PITPNM3: variants seen among roughly 807,000 people sequenced by gnomAD.
PITPNM3 encodes membrane-associated phosphatidylinositol transfer protein 3.
In PITPNM3, 26 loss-of-function variants were observed where a neutral mutation model predicts 102.0. That is an observed-to-expected ratio of 0.25 (90% CI 0.19 to 0.35). The LOEUF is 0.35. PITPNM3 is among the 10% of genes least tolerant of loss of function. PITPNM3 has a pLI of 1.00. For synonymous variants in PITPNM3, 578 were observed against 558.6 expected (o/e 1.03, Z -0.49); for missense variants, 1,083 against 1,346.1 (o/e 0.80, Z 3.06).
intron 4 of PITPNM3, among the ~76,000 whole-genome samples, chr17:6,503,303 C>T (rs1214111690): frequency 2.0e-5 from 3 of 152,288 alleles, no homozygotes; most frequent in African/African-American, 7.2e-5. Flanking sequence ...GCCTGAGCTG[C>T]CCAGTGATAG....
In PITPNM3 at chr17:6,455,373, C is replaced by T. The variant is rs1392170604; in HGVS notation, c.2890G>A (p.Ala964Thr). The stretch of plus-strand genomic sequence containing the variant: ...GACTCGAACTTGGGGGGCCCACGCG[C>T]CCAGCTGAGCGCCGGCAGCGGCCGC... ...HERPLPALSWARGPPKFESVP is the reference protein window; with the variant it reads ...HERPLPALSWTRGPPKFESVP The change falls in exon 20 of 20, where the codon GCG (alanine) becomes ACG (threonine). Residue 964 changes from alanine to threonine, a missense_variant. Physicochemically the swap from Ala to Thr is moderately conservative, Grantham distance 58. Transcript: ENST00000262483. The T allele has an allele frequency of 6.3e-7, 1 of 1,588,206 alleles. No homozygotes were observed. Among genetic ancestry groups the T allele is most frequent in the Non-Finnish European group, 8.6e-7 (1 of 1,168,834 alleles).
At chr17:6,508,755 G>A (rs949747591) in intron 3 of PITPNM3, among the ~76,000 whole-genome samples, 22 of 152,254 alleles carry the variant, frequency 1.4e-4, no homozygotes, top group African/African-American at 4.6e-4. Flanking sequence ...GGCCACCGAC[G>A]GGGTCAGGAA....
At chr17:6,545,599 T>C (rs1909978457) in intron 1 of PITPNM3, among the ~76,000 whole-genome samples, 1 of 152,202 alleles carries the variant, frequency 6.6e-6, no homozygotes, top group South Asian at 2.1e-4. Flanking sequence ...CAGTAGAGCC[T>C]TCACACCACG....
intron 2 of PITPNM3, among the ~76,000 whole-genome samples, chr17:6,531,336 T>G (rs1002162363): frequency 6.6e-6 from 1 of 152,194 alleles, no homozygotes; most frequent in African/African-American, 2.4e-5. Flanking sequence ...CTTGCATCCT[T>G]TCAGGGATGA....
rs1904341227 is a variant in PITPNM3 at position 6,459,337 on chromosome 17, T to C, written c.2491-1615A>G. 6.6e-6 allele frequency among the ~76,000 whole-genome samples: 1 copy of C among 152,098 alleles called. No homozygotes were observed. Among genetic ancestry groups the C allele is most frequent in the South Asian group, 2.1e-4 (1 of 4,822 alleles). ...TCTCCTTGAAGCCCTCTCCTCCCGA[T>C]ACCTGGAGTCTCGTCTCTCTCTCCT... On this transcript the variant is annotated intron_variant, in intron 18 of 19. Transcript: ENST00000262483. The surrounding 1 kb of genome is among the most constrained non-coding windows in gnomAD (Gnocchi z 5.0).
chr17:6,455,065 GACACAAA>G lies in PITPNM3; in HGVS notation c.*266_*272del. On this transcript the variant is annotated 3_prime_UTR_variant, in exon 20 of 20. Coordinates refer to ENST00000262483, the MANE Select transcript of PITPNM3 (RefSeq NM_031220.4). ...CCCCGGGCAAGCCTGCCCCCAGGAT[GACACAAA>G]CATGAACCCTGACTTGGGCTTGCGG... The G allele has an allele frequency of 2.0e-6, 1 of 493,038 alleles. No homozygotes were observed. The highest frequency in any genetic ancestry group is 3.5e-6 in the Non-Finnish European group (1 of 283,602). The allele number at this position is 493,038 out of a possible 1,614,324, so 30.5% of individuals were successfully genotyped here.
chr17:6,473,139 G>A (rs753862288), intron 10 of PITPNM3: 31 of 421,730 alleles, frequency 7.4e-5, no homozygotes, highest in Non-Finnish European at 1.1e-4. Context: ...CCATTTCCAC[G>A]GGGCAACTCC....
chr17:6,455,487 T>G lies in PITPNM3; in HGVS notation c.2776A>C (p.Thr926Pro). The G allele has an allele frequency of 6.2e-7, 1 of 1,605,972 alleles. No homozygotes were observed. Among genetic ancestry groups the G allele is most frequent in the Non-Finnish European group, 8.5e-7 (1 of 1,179,596 alleles). Reference sequence around the variant, plus strand: ...GGGTCGGGCTGCTGCACTGACATGGTTCTGCGCAGGTGGTTGCGCTTCCGC... The same window carrying G: ...GGGTCGGGCTGCTGCACTGACATGGGTCTGCGCAGGTGGTTGCGCTTCCGC... ...FLRKRNHLRR[T>P]MSVQQPDPPA... Residue 926 changes from threonine (T) to proline (P), a missense_variant, in exon 20 of 20, where the codon ACC becomes CCC. Physicochemically the swap from Thr to Pro is conservative, Grantham distance 38 (BLOSUM62 -1). Coordinates refer to ENST00000262483, the MANE Select transcript of PITPNM3 (RefSeq NM_031220.4).
chr17:6,551,873 T>G (rs937364324), intron 1 of PITPNM3, among the ~76,000 whole-genome samples: 1 of 151,916 alleles, frequency 6.6e-6, no homozygotes, highest in Non-Finnish European at 1.5e-5. Flanking sequence ...TGGGAGGATG[T>G]GAGAGCACAC....
At position 6,478,270 on chromosome 17, in the gene PITPNM3, T is replaced by C. The variant is rs879898867; in HGVS notation, c.778-173A>G. The stretch of plus-strand genomic sequence containing the variant: ...AAACTGGGGAGGGTCAGGGTTGGCG[T>C]TGGCCCAGGCCAGCCCAAGGACGGG... On this transcript the variant is annotated intron_variant, in intron 7 of 19. Transcript: ENST00000262483. This position sits in a 1 kb window ranked among gnomAD's most constrained non-coding sequence, Gnocchi z 4.4. 9.9e-5 allele frequency among the ~76,000 whole-genome samples: 15 copies of C among 152,224 alleles called. No individual in the cohort carries two copies. The highest frequency in any genetic ancestry group is 1.9e-4 in the Non-Finnish European group (13 of 68,044).
intron 1 of PITPNM3, among the ~76,000 whole-genome samples, chr17:6,548,691 G>A (rs1022557455): frequency 2.6e-5 from 4 of 152,060 alleles, no homozygotes; most frequent in South Asian, 2.1e-4. Context: ...TGTCAGCCCC[G>A]AGAGCTCACA....
At position 6,471,035 on chromosome 17, in the gene PITPNM3, G is replaced by C. The variant is rs1446669291; in HGVS notation, c.1624+126C>G. The stretch of plus-strand genomic sequence containing the variant: ...TCTAAAGGCAGAAGCAAGCCCCCAG[G>C]ACTTCCTTCACCTTCTCCCTATCCC... On this transcript the variant is annotated intron_variant, in intron 12 of 19. Coordinates refer to ENST00000262483, the MANE Select transcript of PITPNM3 (RefSeq NM_031220.4). 2.6e-6 allele frequency: 3 copies of C among 1,132,684 alleles called. No homozygotes were observed. The East Asian group carries it at 7.7e-5, about 29-fold the overall frequency. The allele number at this position is 1,132,684 out of a possible 1,614,324, so 70.2% of individuals were successfully genotyped here.
At chr17:6,484,147 G>T in intron 5 of PITPNM3, 69 bp downstream of exon 5, 1 of 1,484,894 alleles carries the variant, frequency 6.7e-7, no homozygotes, top group Non-Finnish European at 9.4e-7. Flanking sequence ...GGCCGCCTAT[G>T]ATCCGAGGGC....
intron 3 of PITPNM3, among the ~76,000 whole-genome samples, chr17:6,516,111 C>G (rs1272007640): frequency 6.6e-6 from 1 of 151,950 alleles, no homozygotes; most frequent in Non-Finnish European, 1.5e-5. Context: ...AAAAACAAAA[C>G]AAAATACAGA....
At chr17:6,503,889 C>T (rs1385606700) in intron 3 of PITPNM3, among the ~76,000 whole-genome samples, 1 of 152,146 alleles carries the variant, frequency 6.6e-6, no homozygotes, top group Non-Finnish European at 1.5e-5. Flanking sequence ...CAGGAGCTGC[C>T]TGCCTCTCTA....
rs148610532 is a variant in PITPNM3 at position 6,499,344 on chromosome 17, G to A, written c.274+4183C>T. On this transcript the variant is annotated intron_variant, in intron 4 of 19. Coordinates refer to ENST00000262483, the MANE Select transcript of PITPNM3 (RefSeq NM_031220.4). ...CAAGCCCTTGCAACCTCATACCTGCGCATGCCTGAGAGGCCCATGGAGACC... is the reference window on the plus strand; with the variant it reads ...CAAGCCCTTGCAACCTCATACCTGCACATGCCTGAGAGGCCCATGGAGACC... Among the ~76,000 whole-genome samples, 11 of 152,258 alleles carry A rather than the reference G, an allele frequency of 7.2e-5. No individual in the cohort carries two copies. In the East Asian group the frequency reaches 1.5e-3, roughly 21 times the overall value.
In PITPNM3 at chr17:6,483,399, AC is replaced by A. The variant is rs1233175064; in HGVS notation, c.587+117del. The A allele has an allele frequency of 7.2e-6, 7 of 971,040 alleles. No homozygotes were observed. In the East Asian group the frequency reaches 1.8e-4, roughly 25 times the overall value. The allele number at this position is 971,040 out of a possible 1,614,324, so 60.2% of individuals were successfully genotyped here. On this transcript the variant is annotated intron_variant, in intron 6 of 19. Transcript: ENST00000262483. ...TGCTTGTGTTTCGTCACGATCTGACACCCCAGAGAGTCCTTGCAGGTACCCA... is the reference window on the plus strand; with the variant it reads ...TGCTTGTGTTTCGTCACGATCTGACACCCAGAGAGTCCTTGCAGGTACCCA...
chr17:6,500,439 G>A (rs1032139592), intron 4 of PITPNM3, among the ~76,000 whole-genome samples: 1 of 152,082 alleles, frequency 6.6e-6, no homozygotes, highest in Non-Finnish European at 1.5e-5. Context: ...TTTCATAAAA[G>A]AAAAAGCATT....
At chr17:6,533,487 C>A (rs1597408474) in intron 2 of PITPNM3, among the ~76,000 whole-genome samples, 1 of 84,384 alleles carries the variant, frequency 1.2e-5, no homozygotes, top group Non-Finnish European at 3.0e-5. Context: ...CAGAGTCTCG[C>A]CCTGTCACCC....
Sources: gnomAD v4.1 joint callset for allele counts (sites outside exome capture counted in the v4.1 genomes callset) on GRCh38, gnomAD v4.1.1 for gene constraint, Gnocchi (gnomAD v3.1) non-coding constraint, MANE v1.5 for transcripts, NCBI Gene and HGNC (gene_info 2026-07-23, HGNC 2026-07-21) for gene names.